The following GSE1 variants were observed in gnomAD, a reference collection of about 807,000 sequenced individuals.
GSE1 encodes the protein genetic suppressor element 1.
In GSE1, 32 loss-of-function variants were observed where a neutral mutation model predicts 112.6. The observed-to-expected ratio is 0.28, with a 90% CI of 0.21 to 0.38. The LOEUF is 0.38. Ranked by LOEUF, GSE1 falls within the 10% of genes least tolerant of loss-of-function variation. The probability of loss-of-function intolerance (pLI) is 1.00; values close to 1 mark genes in which losing one functional copy is unlikely to be tolerated. For missense variants in GSE1, 2,348 were observed against 1,699.2 expected (o/e 1.38, Z -6.71); for synonymous variants, 1,115 against 735.6 (o/e 1.52, Z -8.35).
intron 1 of GSE1, among the ~76,000 whole-genome samples, chr16:85,199,118 T>C (rs1217101948): frequency 6.6e-6 from 1 of 152,004 alleles, no homozygotes; most frequent in East Asian, 1.9e-4. Context: ...CTAATTTTTG[T>C]TTTGTTTTGT....
intron 1 of GSE1, among the ~76,000 whole-genome samples, chr16:85,265,025 C>T (rs1466460205): frequency 2.6e-5 from 4 of 152,204 alleles, no homozygotes; most frequent in Non-Finnish European, 5.9e-5. Flanking sequence ...CGAGCAGGCA[C>T]CACTGTGACA....
At chr16:85,600,589 C>T (rs995642714) in intron 1 of GSE1, among the ~76,000 whole-genome samples, 1 of 136,106 alleles carries the variant, frequency 7.3e-6, no homozygotes, top group African/African-American at 3.4e-5. Context: ...ACACCCCAAA[C>T]ACACACACAC....
chr16:85,500,998 G>GTTTTTTTTTTTTTTTTTTTTTTTTTT (rs55650214), intron 2 of GSE1, among the ~76,000 whole-genome samples: 3 of 64,836 alleles, frequency 4.6e-5, no homozygotes, highest in African/African-American at 1.3e-4. Context: ...GGCCTGTTCT[G>GTTTTTTTTTTTTTTTTTTTTTTTTTT]TTTTTTTTTT....
At chr16:85,246,724 TG>T (rs1387948709) in intron 1 of GSE1, among the ~76,000 whole-genome samples, 3 of 151,146 alleles carry the variant, frequency 2.0e-5, no homozygotes, top group Non-Finnish European at 4.4e-5. Context: ...AGAGAGGGCC[TG>T]GGGGGCAGCC....
At chr16:85,246,138 A>C (rs1446398752) in intron 1 of GSE1, among the ~76,000 whole-genome samples, 1 of 146,750 alleles carries the variant, frequency 6.8e-6, no homozygotes, top group Non-Finnish European at 1.5e-5. Flanking sequence ...TTTCCTGGGG[A>C]GTTTGGTGGA....
At chr16:85,555,461 C>A, upstream of GSE1, 1 of 983,800 alleles carries the variant, frequency 1.0e-6, no homozygotes, top group Non-Finnish European at 1.2e-6. Context: ...TTTCTCCTGC[C>A]GGAGACTTGT....
rs1339129826 is a variant in GSE1, at chr16:85,665,020, G to C, written c.2650G>C (p.Glu884Gln). Residue 884 changes from glutamate (E) to glutamine (Q), a missense_variant, in exon 12 of 16, where the codon GAG (glutamate) becomes CAG (glutamine). By Grantham distance (29) the Glu-to-Gln change is conservative. Transcript: ENST00000253458. The part of the protein sequence containing the change: ...HISAEKRKDK[E>Q]RLVEMLRAMK... ...TCAGGCTGCTTTTCTCATAGACAAA[G>C]AGAGACTTGTTGAAATGCTCCGTGC... The C allele has an allele frequency of 4.4e-6, 7 of 1,599,882 alleles. No homozygotes were observed. The South Asian group carries it at 5.5e-5, about 13-fold the overall frequency.
At chr16:85,397,311 C>T (rs964017588) in intron 2 of GSE1, among the ~76,000 whole-genome samples, 1 of 152,224 alleles carries the variant, frequency 6.6e-6, no homozygotes, top group African/African-American at 2.4e-5. Flanking sequence ...ACTCAGGCTG[C>T]GACCCCCGCT....
At chr16:85,257,492 G>A (rs1224606073) in intron 1 of GSE1, among the ~76,000 whole-genome samples, 4 of 152,206 alleles carry the variant, frequency 2.6e-5, no homozygotes, top group African/African-American at 4.8e-5. Context: ...CACATAGCGC[G>A]AGGAAGGATG....
intron 1 of GSE1, chr16:85,594,233 T>TGGGGGGGG (rs1193602830): frequency 4.2e-5 from 1 of 24,012 alleles, no homozygotes; most frequent in African/African-American, 8.4e-5. Flanking sequence ...CCTGGGGGGT[T>TGGGGGGGG]GGGGGGGGGG....
intron 1 of GSE1, among the ~76,000 whole-genome samples, chr16:85,177,743 A>G (rs570700104): frequency 6.6e-6 from 1 of 152,260 alleles, no homozygotes; most frequent in South Asian, 2.1e-4. Context: ...CCTGGTTTTA[A>G]ATTTAGTATA....
chr16:85,483,647 G>T (rs991184716), intron 2 of GSE1, among the ~76,000 whole-genome samples: 54 of 152,390 alleles, frequency 3.5e-4, no homozygotes, highest in Admixed American at 3.4e-3. Context: ...GGGCTGAGAC[G>T]GATGGGCCTC....
At chr16:85,361,157 CACACAGGG>C (rs2047068085) in intron 2 of GSE1, among the ~76,000 whole-genome samples, 1 of 140,906 alleles carries the variant, frequency 7.1e-6, no homozygotes, top group Non-Finnish European at 1.5e-5. Context: ...CACACAGACA[CACACAGGG>C]GCAGAGACAC....
chr16:85,464,616 C>G (rs908258822), intron 2 of GSE1, among the ~76,000 whole-genome samples: 3 of 152,202 alleles, frequency 2.0e-5, no homozygotes, highest in African/African-American at 7.2e-5. Context: ...ACAGGGTACT[C>G]ACGAAGCCTC....
At chr16:85,229,224 G>C (rs1244287950) in intron 1 of GSE1, among the ~76,000 whole-genome samples, 2 of 152,228 alleles carry the variant, frequency 1.3e-5, no homozygotes, top group Admixed American at 6.5e-5. Flanking sequence ...CGGGCGGGTA[G>C]GGGGGTGGCA....
At chr16:85,383,145 C>T (rs2047596817) in intron 2 of GSE1, among the ~76,000 whole-genome samples, 1 of 151,918 alleles carries the variant, frequency 6.6e-6, no homozygotes, top group Middle Eastern at 3.2e-3. Context: ...CCATAACACA[C>T]CCATATATAC....
rs540041055 is a variant in GSE1, at chr16:85,672,792, T to G, written c.*253T>G. On this transcript the variant is annotated 3_prime_UTR_variant, in exon 16 of 16. Coordinates refer to ENST00000253458, the MANE Select transcript of GSE1 (RefSeq NM_014615.5). The stretch of plus-strand genomic sequence containing the variant: ...CAGTTTTTCTTTTTAAAGGTGGTTT[T>G]CGCCCTTCCTCTCCCACATTATTTC... 3.6e-4 allele frequency: 107 copies of G among 296,582 alleles called. No homozygotes were observed. Among genetic ancestry groups the G allele is most frequent in the African/African-American group, 2.2e-3 (101 of 46,466 alleles). 18.4% of individuals were successfully genotyped at this position (296,582 alleles called of 1,614,324 possible).
chr16:85,349,969 C>T (rs1390400178), intron 1 of GSE1, among the ~76,000 whole-genome samples: 7 of 152,300 alleles, frequency 4.6e-5, no homozygotes, highest in Admixed American at 6.5e-5. Context: ...GGACACTGTG[C>T]GGGGACTAGG....
Position 85,294,651 on chromosome 16 carries a change from C to G in GSE1, c.2284-62812C>G, listed in dbSNP as rs868195078. Among the ~76,000 whole-genome samples, 268 of 102,182 alleles carry G rather than the reference C, an allele frequency of 2.6e-3. 4 individuals carry two copies. Among genetic ancestry groups the G allele is most frequent in the African/African-American group, 8.3e-3 (244 of 29,484 alleles). The allele number at this position is 102,182 out of a possible 152,430, so 67.0% of individuals were successfully genotyped here. A position where few individuals can be genotyped will look rare whatever the true frequency, so the allele number is the denominator to read the frequency against. On this transcript the variant is annotated intron_variant, in intron 1 of 2. Transcript: ENST00000637419. ...TCTCTCTCTCTCTCTCTCTCTCTCTCTCTCTCTGTCTCTCTCTCTCCCCCC... is the reference window on the plus strand; with the variant it reads ...TCTCTCTCTCTCTCTCTCTCTCTCTGTCTCTCTGTCTCTCTCTCTCCCCCC...
Sources: gnomAD v4.1 joint callset for allele counts (sites outside exome capture counted in the v4.1 genomes callset) on GRCh38, gnomAD v4.1.1 for gene constraint, MANE v1.5 for transcripts, NCBI Gene and HGNC (gene_info 2026-07-23, HGNC 2026-07-21) for gene names.